Variants in CPS1 observed in about 807,000 individuals in gnomAD.
CPS1 encodes the protein carbamoyl-phosphate synthase 1, also known as carbamoyl-phosphate synthase [ammonia], mitochondrial.
CPS1 carries 109 observed loss-of-function variants against 174.6 expected under a neutral mutation model. The observed-to-expected ratio is 0.62, with a 90% CI of 0.53 to 0.73. The LOEUF (loss-of-function observed/expected upper bound fraction) is 0.73. Among genes scored for constraint, CPS1 ranks in the 30% least tolerant of loss-of-function variants. The probability of loss-of-function intolerance (pLI) is 0.00; values close to 1 mark genes in which losing one functional copy is unlikely to be tolerated. For missense variants in CPS1, 1,689 were observed against 1,821.9 expected (o/e 0.93, Z 1.33); for synonymous variants, 637 against 632.0 (o/e 1.01, Z -0.12).
chr2:210,641,416 A>G (rs1379546405), intron 24 of CPS1, among the ~76,000 whole-genome samples: 1 of 152,070 alleles, frequency 6.6e-6, no homozygotes, highest in Non-Finnish European at 1.5e-5. Context: ...AGGAGCCACT[A>G]CAGCTAGCAA....
rs2106110944 is a variant in CPS1 at position 210,591,834 on chromosome 2, G to A, written c.951G>A (p.Gly317=). 1 of 1,611,844 alleles carries A rather than the reference G, an allele frequency of 6.2e-7. No individual in the cohort carries two copies. Among genetic ancestry groups the A allele is most frequent in the Middle Eastern group, 1.7e-4 (1 of 6,048 alleles). The stretch of plus-strand genomic sequence containing the variant: ...CTTTTTCTCCTTTTCTCTCCAGAGG[G>A]CAGAATCAGCCTGTTTTGAATATCA... ...KTYKMSMANR[G]QNQPVLNITN... Residue 317 remains glycine, a synonymous_variant, in exon 10 of 38, where the codon GGG becomes GGA. Coordinates refer to ENST00000233072, the MANE Select transcript of CPS1 (RefSeq NM_001875.5).
At chr2:210,622,730 A>G (rs901803750) in intron 21 of CPS1, among the ~76,000 whole-genome samples, 1 of 149,674 alleles carries the variant, frequency 6.7e-6, no homozygotes. Flanking sequence ...ACCAATTTGG[A>G]TTGGCAATTT....
intron 1 of CPS1, among the ~76,000 whole-genome samples, chr2:210,485,888 T>A (rs1278450993): frequency 6.6e-6 from 1 of 151,972 alleles, no homozygotes; most frequent in African/African-American, 2.4e-5. Flanking sequence ...CCACCAGCAG[T>A]TTATGAGATT....
At chr2:210,670,205 TTTAAAAATATA>T (rs1281269809) in intron 34 of CPS1, among the ~76,000 whole-genome samples, 9 of 152,094 alleles carry the variant, frequency 5.9e-5, no homozygotes, top group Non-Finnish European at 1.3e-4. Context: ...CGGACACAGA[TTTAAAAATATA>T]TTAAAAAGTA....
Position 210,678,101 on chromosome 2 carries a change from A to T in CPS1, c.*116A>T. ...TGATAACTAAACTTCATTTCAGTTT[A>T]CTTTGTTATGCCTTAATATTCTGTG... is the stretch of plus-strand genomic sequence containing the variant. On this transcript the variant is annotated 3_prime_UTR_variant, in exon 38 of 38. Transcript: ENST00000233072. 1.2e-6 allele frequency: 1 copy of T among 846,096 alleles called. No individual in the cohort carries two copies. Among genetic ancestry groups the T allele is most frequent in the Non-Finnish European group, 2.1e-6 (1 of 482,344 alleles). The allele number at this position is 846,096 out of a possible 1,614,324, so 52.4% of individuals were successfully genotyped here.
intron 1 of CPS1, among the ~76,000 whole-genome samples, chr2:210,569,835 T>G (rs1258022894): frequency 6.6e-6 from 1 of 152,032 alleles, no homozygotes; most frequent in Non-Finnish European, 1.5e-5. Context: ...TTCATTAAGA[T>G]TTCCTTTGTA....
Position 210,658,639 on chromosome 2 carries a change from TCTCTG to T in CPS1, c.3708_3712del (p.Ile1236MetfsTer13). 1 of 1,614,120 alleles carries T rather than the reference TCTCTG, an allele frequency of 6.2e-7. No individual in the cohort carries two copies. The highest frequency in any genetic ancestry group is 8.5e-7 in the Non-Finnish European group (1 of 1,179,984). ...CGGAAGATTGCAAAGGCTTTTGCCA[TCTCTG>T]GTCCATTCAACGTCCAATTTCTTGT... On this transcript the variant is annotated frameshift_variant, in exon 31 of 38. Coordinates refer to ENST00000233072, the MANE Select transcript of CPS1 (RefSeq NM_001875.5). LOFTEE classifies it high-confidence loss of function.
chr2:210,671,207 T>C (rs4673544), intron 34 of CPS1, among the ~76,000 whole-genome samples: 87,067 of 152,040 alleles, frequency 0.57, 26,440 homozygotes, highest in South Asian at 0.67. Context: ...TCAGTGATGC[T>C]TGTGGAGTGG....
intron 13 of CPS1, among the ~76,000 whole-genome samples, chr2:210,596,483 A>G (rs924757996): frequency 2.6e-5 from 4 of 151,958 alleles, no homozygotes; most frequent in African/African-American, 7.2e-5. Context: ...TTAGTATTCT[A>G]TAGTCAAAGA....
intron 27 of CPS1, among the ~76,000 whole-genome samples, chr2:210,649,867 A>G (rs756099629): frequency 2.0e-5 from 3 of 152,196 alleles, no homozygotes; most frequent in Non-Finnish European, 4.4e-5. Flanking sequence ...ACATTGTATT[A>G]GCAAATATTA....
chr2:210,619,891 G>T (rs563077865), intron 21 of CPS1: 1 of 151,070 alleles, frequency 6.6e-6, no homozygotes, highest in African/African-American at 2.4e-5. Context: ...CTATACCCAC[G>T]CATGGACACA....
At chr2:210,609,937 T>G (rs1386822964) in intron 19 of CPS1, among the ~76,000 whole-genome samples, 1 of 151,986 alleles carries the variant, frequency 6.6e-6, no homozygotes. Context: ...TATTTTGGCT[T>G]CCTTAATTTG....
intron 1 of CPS1, among the ~76,000 whole-genome samples, chr2:210,492,601 G>A (rs748745754): frequency 6.6e-6 from 1 of 151,416 alleles, no homozygotes; most frequent in Non-Finnish European, 1.5e-5. Flanking sequence ...ATTAATTTTA[G>A]AATCTGTAAG....
chr2:210,511,531 A>G (rs1201179378), intron 1 of CPS1, among the ~76,000 whole-genome samples: 3 of 122,206 alleles, frequency 2.5e-5, no homozygotes, highest in Non-Finnish European at 6.2e-5. Context: ...TTAAATTATA[A>G]TAATAAACAA....
chr2:210,659,011 G>T (rs1371437183), intron 31 of CPS1, among the ~76,000 whole-genome samples: 1 of 152,154 alleles, frequency 6.6e-6, no homozygotes, highest in Non-Finnish European at 1.5e-5. Flanking sequence ...GTGTAGAGTA[G>T]TCATAAATTC....
At chr2:210,573,779 C>T (rs1326269575) in intron 2 of CPS1, among the ~76,000 whole-genome samples, 1 of 151,978 alleles carries the variant, frequency 6.6e-6, no homozygotes, top group Non-Finnish European at 1.5e-5. Flanking sequence ...ATAGTATATT[C>T]TAGTGCTATT....
chr2:210,500,377 G>A (rs1032394955), intron 1 of CPS1, among the ~76,000 whole-genome samples: 1 of 152,104 alleles, frequency 6.6e-6, no homozygotes, highest in Non-Finnish European at 1.5e-5. Flanking sequence ...AAAAGTCAAA[G>A]TCCAAAGTTT....
intron 1 of CPS1, among the ~76,000 whole-genome samples, chr2:210,549,130 T>A (rs1696648796): frequency 6.6e-6 from 1 of 152,008 alleles, no homozygotes; most frequent in African/African-American, 2.4e-5. Context: ...TCAAATATGT[T>A]TAATTTAAAG....
chr2:210,653,094 T>C (rs1019140775), intron 28 of CPS1, among the ~76,000 whole-genome samples: 4 of 152,152 alleles, frequency 2.6e-5, no homozygotes, highest in African/African-American at 9.7e-5. Context: ...AGGGAGGAGA[T>C]AGCATATGAC....
Sources: allele counts gnomAD v4.1 joint callset (sites outside exome capture counted in the v4.1 genomes callset), GRCh38; gene constraint gnomAD v4.1.1; transcripts MANE v1.5; gene names NCBI Gene and HGNC (gene_info 2026-07-23, HGNC 2026-07-21).